The following TKTL1 variants were observed in gnomAD, a reference collection of about 807,000 sequenced individuals.
TKTL1 encodes transketolase-like protein 1.
Under a neutral mutation model 39.3 loss-of-function variants are expected in TKTL1, and 1 was observed. The ratio of observed to expected loss-of-function variants is 0.03; its 90% CI spans 0.01 to 0.12. The LOEUF (loss-of-function observed/expected upper bound fraction) is 0.12, where lower values mean the gene tolerates loss of function less well. Among genes scored for constraint, TKTL1 ranks in the 10% least tolerant of loss-of-function variants. The pLI, the probability that TKTL1 is intolerant of heterozygous loss-of-function variation, is 1.00. For synonymous variants in TKTL1, 262 were observed against 193.8 expected (o/e 1.35, Z -2.92); for missense variants, 575 against 509.6 (o/e 1.13, Z -1.24).
intron 10 of TKTL1, among the ~76,000 whole-genome samples, chrX:154,325,811 C>G (rs989696012): frequency 1.8e-5 from 2 of 111,515 alleles, no homozygotes; most frequent in Non-Finnish European, 3.8e-5. Flanking sequence ...TAGCGAGATT[C>G]CCATCTTTAC....
chrX:154,297,428 T>A (rs1270738703), intron 1 of TKTL1, among the ~76,000 whole-genome samples: 1 of 110,344 alleles, frequency 9.1e-6, no homozygotes, highest in Non-Finnish European at 1.9e-5. Flanking sequence ...GCTAATTTTT[T>A]CTGTTTTTTA....
chrX:154,302,491 G>A (rs1389792723), intron 1 of TKTL1, among the ~76,000 whole-genome samples: 7 of 110,682 alleles, frequency 6.3e-5, no homozygotes, highest in African/African-American at 1.3e-4. Context: ...CTTCCCCCCC[G>A]TATCCTCACA....
intron 1 of TKTL1, among the ~76,000 whole-genome samples, chrX:154,298,083 G>A (rs959250583): frequency 6.3e-5 from 7 of 111,470 alleles, no homozygotes; most frequent in African/African-American, 2.0e-4. Flanking sequence ...TAAGTTTTGT[G>A]AGGCTTTCTG....
chrX:154,296,749 GCCA>G (rs1347459562), intron 1 of TKTL1, among the ~76,000 whole-genome samples: 1 of 111,552 alleles, frequency 9.0e-6, no homozygotes, highest in African/African-American at 3.3e-5. Flanking sequence ...TGTAGTGGCT[GCCA>G]CCTGTAATCC....
intron 1 of TKTL1, among the ~76,000 whole-genome samples, chrX:154,298,686 C>A (rs1478216647): frequency 2.1e-5 from 2 of 96,076 alleles, no homozygotes; most frequent in Non-Finnish European, 4.0e-5. Context: ...AAACTGAGAC[C>A]CTGTCTCAAA....
rs2067355075 is a variant in TKTL1, at chrX:154,311,229, G to T, written c.661G>T (p.Gly221Cys). 1 of 1,211,670 alleles carries T rather than the reference G, an allele frequency of 8.3e-7. No homozygotes were observed. Among genetic ancestry groups the T allele is most frequent in the African/African-American group, 1.7e-5 (1 of 57,836 alleles). The change falls in exon 5 of 13, where the codon GGC becomes TGC. Residue 221 changes from glycine (G) to cysteine (C), a missense_variant. Transcript: ENST00000369915. ...AVVAKTFKGRGTPSIEDAESW... is the reference protein window; with the variant it reads ...AVVAKTFKGRCTPSIEDAESW... ...GGTGGCCAAGACCTTCAAGGGCCGG[G>T]GCACCCCAAGTAAGCAAGCACTTTC...
chrX:154,301,567 G>T (rs1330350078), intron 1 of TKTL1, among the ~76,000 whole-genome samples: 1 of 111,983 alleles, frequency 8.9e-6, no homozygotes, highest in Non-Finnish European at 1.9e-5. Context: ...GATAGTAAGA[G>T]GACAGTGTGG....
intron 2 of TKTL1, among the ~76,000 whole-genome samples, chrX:154,306,306 C>T (rs1039227380): frequency 8.9e-6 from 1 of 111,773 alleles, no homozygotes; most frequent in Admixed American, 9.5e-5. Flanking sequence ...AAGACTCCAT[C>T]TCAAAAGAAA....
chrX:154,305,004 G>A (rs1193361834), intron 1 of TKTL1: 7 of 1,047,030 alleles, frequency 6.7e-6, no homozygotes, highest in Non-Finnish European at 8.8e-6. Flanking sequence ...ATGTGGAAAG[G>A]CCACAGATGA....
intron 1 of TKTL1, among the ~76,000 whole-genome samples, chrX:154,304,405 T>A (rs1362486392): frequency 9.0e-6 from 1 of 110,711 alleles, no homozygotes; most frequent in Non-Finnish European, 1.9e-5. Context: ...CAATTGCACG[T>A]GCAAAAGCCC....
chrX:154,303,114 G>A (rs782661196), intron 1 of TKTL1, among the ~76,000 whole-genome samples: 3 of 110,656 alleles, frequency 2.7e-5, no homozygotes, highest in East Asian at 2.8e-4. Context: ...CGTTTCCTGC[G>A]CCAGCCTCCT....
intron 2 of TKTL1, among the ~76,000 whole-genome samples, chrX:154,307,146 G>A (rs1165095093): frequency 9.1e-6 from 1 of 109,768 alleles, no homozygotes; most frequent in African/African-American, 3.3e-5. Flanking sequence ...GGTGGTGCGT[G>A]CCTGCAGCTA....
At chrX:154,320,556 CTA>C in intron 7 of TKTL1, 199 bp from the exon 8 acceptor site, 1 of 441,987 alleles carries the variant, frequency 2.3e-6, no homozygotes, top group Non-Finnish European at 4.0e-6. Flanking sequence ...TCCCTAGGAG[CTA>C]TGAGTTGAGG....
chrX:154,318,301 T>C (rs1557169808), intron 7 of TKTL1, among the ~76,000 whole-genome samples: 2 of 110,834 alleles, frequency 1.8e-5, no homozygotes, highest in Non-Finnish European at 3.8e-5. Context: ...GATACTTTAA[T>C]ACTCAAATCA....
intron 2 of TKTL1, among the ~76,000 whole-genome samples, chrX:154,308,155 T>C (rs2067329861): frequency 9.0e-6 from 1 of 111,558 alleles, no homozygotes; most frequent in Non-Finnish European, 1.9e-5. Flanking sequence ...GCATCTGGAA[T>C]CAAGTAAAAG....
intron 1 of TKTL1, among the ~76,000 whole-genome samples, chrX:154,302,990 C>T (rs1557166274): frequency 9.1e-6 from 1 of 110,266 alleles, no homozygotes; most frequent in Non-Finnish European, 1.9e-5. Flanking sequence ...CCTGCTGCCA[C>T]CTGGATTCTG....
chrX:154,298,329 C>T (rs781879486), intron 1 of TKTL1, among the ~76,000 whole-genome samples: 2 of 111,658 alleles, frequency 1.8e-5, no homozygotes, highest in African/African-American at 6.5e-5. Flanking sequence ...ACTCTCCTTC[C>T]TCTCAGCCTC....
At chrX:154,329,127 A>G (rs1027047382) in intron 12 of TKTL1, among the ~76,000 whole-genome samples, 1 of 112,539 alleles carries the variant, frequency 8.9e-6, no homozygotes, top group Non-Finnish European at 1.9e-5. Flanking sequence ...GTCCAGGTGC[A>G]TGACCGCCCT....
At chrX:154,309,519 T>A in intron 3 of TKTL1, 77 bp downstream of exon 3, 1 of 872,622 alleles carries the variant, frequency 1.1e-6, no homozygotes, top group Non-Finnish European at 1.7e-6. Flanking sequence ...GGCAGCCACC[T>A]ATCTCCGTGA....
Sources: allele counts gnomAD v4.1 joint callset (sites outside exome capture counted in the v4.1 genomes callset), GRCh38; gene constraint gnomAD v4.1.1; transcripts MANE v1.5; gene names NCBI Gene and HGNC (gene_info 2026-07-23, HGNC 2026-07-21).